SAMD12: variants seen among roughly 807,000 people sequenced by gnomAD.
The protein encoded by SAMD12 is sterile alpha motif domain containing 12.
Under a neutral mutation model 15.0 loss-of-function variants are expected in SAMD12, and 9 were observed. The ratio of observed to expected loss-of-function variants is 0.60; its 90% CI spans 0.36 to 1.05. SAMD12 has a LOEUF of 1.05. Ranked by LOEUF, SAMD12 falls within the 50% of genes least tolerant of loss-of-function variation. SAMD12 has a pLI of 0.01. For synonymous variants in SAMD12, 86 were observed against 90.1 expected, an observed-to-expected ratio of 0.96 and a Z score of 0.25; for missense variants, 230 against 234.2, an observed-to-expected ratio of 0.98 and a Z score of 0.12.
chr8:118,266,652 G>A (rs146198988), intron 4 of SAMD12, among the ~76,000 whole-genome samples: 30 of 152,192 alleles, frequency 2.0e-4, no homozygotes, highest in African/African-American at 6.7e-4. Context: ...AATCCTATTT[G>A]TCTTTAAAAA....
intron 4 of SAMD12, among the ~76,000 whole-genome samples, chr8:118,331,051 G>A (rs998251038): frequency 1.3e-5 from 2 of 152,166 alleles, no homozygotes; most frequent in African/African-American, 4.8e-5. Flanking sequence ...TTTTGATTCA[G>A]TGGGTCTTGG....
At chr8:118,275,021 G>A (rs547171306) in intron 4 of SAMD12, among the ~76,000 whole-genome samples, 9 of 152,110 alleles carry the variant, frequency 5.9e-5, no homozygotes, top group Admixed American at 2.6e-4. Flanking sequence ...GTGATAGCAA[G>A]CATCCTTGTT....
intron 4 of SAMD12, among the ~76,000 whole-genome samples, chr8:118,280,595 AG>A (rs1211285926): frequency 6.6e-6 from 1 of 152,148 alleles, no homozygotes; most frequent in African/African-American, 2.4e-5. Flanking sequence ...TATCAAACTT[AG>A]GAGAAATAAA....
intron 4 of SAMD12, among the ~76,000 whole-genome samples, chr8:118,350,519 G>T (rs1488536399): frequency 6.6e-6 from 1 of 152,186 alleles, no homozygotes; most frequent in African/African-American, 2.4e-5. Flanking sequence ...ACTTCCTGGT[G>T]TGTATTTTGA....
the SAMD12 span, among the ~76,000 whole-genome samples, chr8:118,159,880 C>A: frequency 4.6e-5 from 7 of 151,858 alleles, no homozygotes; most frequent in Admixed American, 1.3e-4. Flanking sequence ...CCACCATGAC[C>A]AGCTAATTTT....
At chr8:118,144,545 G>T in the SAMD12 span, among the ~76,000 whole-genome samples, 1 of 151,708 alleles carries the variant, frequency 6.6e-6, no homozygotes, top group African/African-American at 2.4e-5. Flanking sequence ...TTAATTTATT[G>T]ATGAAAATGA....
At chr8:118,188,221 G>A (rs929898947), downstream of SAMD12, among the ~76,000 whole-genome samples, 1 of 152,124 alleles carries the variant, frequency 6.6e-6, no homozygotes, top group Non-Finnish European at 1.5e-5. Flanking sequence ...ATAAGAGAAA[G>A]AGACAGGAAG....
the SAMD12 span, among the ~76,000 whole-genome samples, chr8:118,146,463 C>T: frequency 2.6e-5 from 4 of 152,116 alleles, no homozygotes; most frequent in Non-Finnish European, 5.9e-5. Context: ...AACAATTTTT[C>T]CCCATTAGAC....
intron 3 of SAMD12, among the ~76,000 whole-genome samples, chr8:118,396,212 T>C (rs1820557392): frequency 6.6e-6 from 1 of 152,184 alleles, no homozygotes; most frequent in South Asian, 2.1e-4. Flanking sequence ...GAGTAACTTA[T>C]TTAATGCCAC....
At chr8:118,228,970 A>C (rs1160640010) in intron 4 of SAMD12, among the ~76,000 whole-genome samples, 4 of 152,212 alleles carry the variant, frequency 2.6e-5, no homozygotes, top group Non-Finnish European at 5.9e-5. Flanking sequence ...AAAAGGAATT[A>C]ATTAACAGCA....
intron 4 of SAMD12, among the ~76,000 whole-genome samples, chr8:118,252,542 G>C (rs189676732): frequency 6.6e-6 from 1 of 152,114 alleles, no homozygotes; most frequent in Non-Finnish European, 1.5e-5. Context: ...CTTCCTGATA[G>C]CTGCCTTTGT....
intron 4 of SAMD12, among the ~76,000 whole-genome samples, chr8:118,216,092 G>A (rs1190635527): frequency 6.6e-6 from 1 of 151,454 alleles, no homozygotes; most frequent in African/African-American, 2.4e-5. Context: ...CAGTGTAAAA[G>A]TGTTCCTATT....
intron 2 of SAMD12, among the ~76,000 whole-genome samples, chr8:118,450,068 G>A (rs935760685): frequency 2.6e-5 from 4 of 152,034 alleles, no homozygotes; most frequent in African/African-American, 4.8e-5. Flanking sequence ...AAGATACAGT[G>A]CAGCTTCCCC....
chr8:118,244,539 T>C (rs1256262764), intron 4 of SAMD12, among the ~76,000 whole-genome samples: 2 of 152,188 alleles, frequency 1.3e-5, no homozygotes, highest in African/African-American at 2.4e-5. Context: ...TGTGGCCCTT[T>C]CTGTAATTTT....
chr8:118,225,481 G>A (rs1812169090), intron 4 of SAMD12, among the ~76,000 whole-genome samples: 2 of 152,148 alleles, frequency 1.3e-5, no homozygotes, highest in South Asian at 4.1e-4. Context: ...AAGGATCTGG[G>A]AGTGATCTGC....
At chr8:118,519,799 A>C (rs1391894897) in intron 2 of SAMD12, among the ~76,000 whole-genome samples, 1 of 152,210 alleles carries the variant, frequency 6.6e-6, no homozygotes, top group Non-Finnish European at 1.5e-5. Context: ...TTAAAATTAG[A>C]ACTTGCTATT....
intron 4 of SAMD12, among the ~76,000 whole-genome samples, chr8:118,317,270 C>T (rs113450132): frequency 0.024 from 3,659 of 152,262 alleles, 53 homozygotes; most frequent in Non-Finnish European, 0.036. Flanking sequence ...TACAATCTAC[C>T]TGTCCTGTGG....
At chr8:118,226,241 A>C (rs1158223116) in intron 4 of SAMD12, among the ~76,000 whole-genome samples, 1 of 152,162 alleles carries the variant, frequency 6.6e-6, no homozygotes, top group Non-Finnish European at 1.5e-5. Flanking sequence ...ACACTCAATA[A>C]CTCAGGATTA....
At chr8:118,339,635 G>A (rs1046125001) in intron 4 of SAMD12, among the ~76,000 whole-genome samples, 13 of 152,216 alleles carry the variant, frequency 8.5e-5, no homozygotes, top group South Asian at 2.1e-4. Flanking sequence ...ATGGAATGAT[G>A]CGGCAGTGAT....
Sources: gnomAD v4.1 joint callset for allele counts (sites outside exome capture counted in the v4.1 genomes callset) on GRCh38, gnomAD v4.1.1 for gene constraint, MANE v1.5 for transcripts, NCBI Gene and HGNC (gene_info 2026-07-23, HGNC 2026-07-21) for gene names.